FARP1: variants seen among roughly 807,000 people sequenced by gnomAD.
FARP1 encodes the protein FERM, ARHGEF and pleckstrin domain-containing protein 1.
Under a neutral mutation model 128.8 loss-of-function variants are expected in FARP1, and 52 were observed. The observed-to-expected ratio is 0.40, with a 90% CI of 0.32 to 0.51. The LOEUF (loss-of-function observed/expected upper bound fraction) is 0.51, where lower values mean the gene tolerates loss of function less well. FARP1 is among the 20% of genes least tolerant of loss of function. The pLI, the probability that FARP1 is intolerant of heterozygous loss-of-function variation, is 0.45. For missense variants in FARP1, 1,333 were observed against 1,367.9 expected, an observed-to-expected ratio of 0.97 and a Z score of 0.40; for synonymous variants, 580 against 551.8, an observed-to-expected ratio of 1.05 and a Z score of -0.72.
At chr13:98,161,721 G>A (rs768292417) in intron 1 of FARP1, among the ~76,000 whole-genome samples, 8 of 152,038 alleles carry the variant, frequency 5.3e-5, no homozygotes, top group Non-Finnish European at 5.9e-5. Flanking sequence ...CTACCTTCTT[G>A]TCTCTCTTTT....
In FARP1 at chr13:98,226,849, C is replaced by T. The variant is rs192424588; in HGVS notation, c.171+13436C>T. Among the ~76,000 whole-genome samples, 63 of 152,244 alleles carry T rather than the reference C, an allele frequency of 4.1e-4. 1 individual carries two copies. The East Asian group carries it at 0.011, about 28-fold the overall frequency. On this transcript the variant is annotated intron_variant, in intron 2 of 26. Coordinates refer to ENST00000319562, the MANE Select transcript of FARP1 (RefSeq NM_005766.4). ...TTATTTTTCTTCACCATCACTCTCC[C>T]ACCACCATTTCCCGGTGGATCAGTA... is the stretch of plus-strand genomic sequence containing the variant.
chr13:98,431,460 GA>G lies in FARP1; in HGVS notation c.2143+181del, dbSNP rs1164695135. The G allele has an allele frequency of 5.6e-5, 23 of 410,630 alleles. No individual in the cohort carries two copies. In the East Asian group the frequency reaches 7.6e-4, roughly 14 times the overall value. The allele number at this position is 410,630 out of a possible 1,614,324, so 25.4% of individuals were successfully genotyped here. ...CTGCTCTGGTGTTTGGTTACATCTT[GA>G]TTTTTTTTTTTTTTTTTTGAGACTG... On this transcript the variant is annotated intron_variant, in intron 18 of 26. Coordinates refer to ENST00000319562, the MANE Select transcript of FARP1 (RefSeq NM_005766.4).
At chr13:98,207,490 C>T (rs985002583) in intron 1 of FARP1, among the ~76,000 whole-genome samples, 27 of 152,128 alleles carry the variant, frequency 1.8e-4, no homozygotes, top group African/African-American at 6.5e-4. Context: ...GTCTGAGCAC[C>T]TTTAGGCTGG....
At chr13:98,322,271 T>G (rs998453841) in intron 2 of FARP1, among the ~76,000 whole-genome samples, 1 of 152,146 alleles carries the variant, frequency 6.6e-6, no homozygotes, top group East Asian at 1.9e-4. Context: ...GCACTCTAGC[T>G]TGGGTGACAA....
chr13:98,147,814 G>A lies in FARP1; in HGVS notation c.-24+4322G>A, dbSNP rs139377456. On this transcript the variant is annotated intron_variant, in intron 1 of 26. Transcript: ENST00000319562. ...TGTGACTACAGACACATGCCATCAC[G>A]CCCAGCTAATTTTTTCTTTAAAAAA... 5.4e-3 allele frequency among the ~76,000 whole-genome samples: 572 copies of A among 105,486 alleles called. 3 individuals are homozygous for A. The highest frequency in any genetic ancestry group is 0.018 in the African/African-American group (549 of 30,254). The allele number at this position is 105,486 out of a possible 152,430, so 69.2% of individuals were successfully genotyped here. A position where few individuals can be genotyped will look rare whatever the true frequency, so the allele number is the denominator to read the frequency against.
chr13:98,283,118 C>A (rs1480773707), intron 2 of FARP1, among the ~76,000 whole-genome samples: 1 of 152,162 alleles, frequency 6.6e-6, no homozygotes, highest in African/African-American at 2.4e-5. Context: ...TTTGTCTACA[C>A]CTTAAAGAGG....
At chr13:98,244,421 C>A in intron 2 of FARP1, 1 of 1,382,970 alleles carries the variant, frequency 7.2e-7, no homozygotes, top group Non-Finnish European at 9.9e-7. Context: ...TTTATTGTTA[C>A]TGTTTTTTAA....
chr13:98,446,354 C>A, intron 25 of FARP1, 149 bp downstream of exon 25: 1 of 617,262 alleles, frequency 1.6e-6, no homozygotes, highest in Non-Finnish European at 2.9e-6. Flanking sequence ...CCCTGTCCAC[C>A]CGAGGCCCTC....
At chr13:98,266,940 G>T (rs1483733822) in intron 2 of FARP1, among the ~76,000 whole-genome samples, 8 of 149,726 alleles carry the variant, frequency 5.3e-5, no homozygotes, top group Non-Finnish European at 1.0e-4. Context: ...CTTGAACCTG[G>T]GAGGTGGAGG....
intron 2 of FARP1, among the ~76,000 whole-genome samples, chr13:98,265,843 T>TCTG (rs1301977638): frequency 6.6e-6 from 1 of 152,148 alleles, no homozygotes; most frequent in East Asian, 1.9e-4. Context: ...GACTTCACAG[T>TCTG]CTGATAGAGG....
At chr13:98,153,455 ATACAT>A (rs1876213689) in intron 1 of FARP1, among the ~76,000 whole-genome samples, 2 of 132,670 alleles carry the variant, frequency 1.5e-5, no homozygotes, top group South Asian at 4.7e-4. Context: ...ATAATATATA[ATACAT>A]TATATATAAA....
chr13:98,379,164 TATATAATCTATATATAATATATATA>T (rs1889774882), intron 6 of FARP1, among the ~76,000 whole-genome samples: 2 of 115,426 alleles, frequency 1.7e-5, no homozygotes, highest in Non-Finnish European at 1.7e-5. Flanking sequence ...ATATATATAA[TATATAATCTATATATAATATATATA>T]ATATATAATA....
At chr13:98,435,262 A>C in intron 18 of FARP1, 1 of 197,206 alleles carries the variant, frequency 5.1e-6, no homozygotes, top group Non-Finnish European at 1.0e-5. Context: ...CCCAGGGACA[A>C]AATTCAAGGC....
chr13:98,374,202 T>C (rs1459543379), intron 5 of FARP1, among the ~76,000 whole-genome samples: 2 of 152,208 alleles, frequency 1.3e-5, no homozygotes, highest in Non-Finnish European at 2.9e-5. Context: ...AGCAGGAGGA[T>C]GTCTTGAGCC....
At chr13:98,173,595 T>C (rs1404689572) in intron 1 of FARP1, among the ~76,000 whole-genome samples, 4 of 152,148 alleles carry the variant, frequency 2.6e-5, no homozygotes, top group South Asian at 2.1e-4. Flanking sequence ...CATCAAAGCA[T>C]TGTTTGGTTT....
intron 3 of FARP1, among the ~76,000 whole-genome samples, chr13:98,362,886 C>T (rs980875969): frequency 6.6e-6 from 1 of 152,186 alleles, no homozygotes; most frequent in Non-Finnish European, 1.5e-5. Context: ...CACCTCCTTC[C>T]CTGGGCATCG....
chr13:98,353,495 C>G (rs1888519985), intron 3 of FARP1, among the ~76,000 whole-genome samples: 3 of 152,192 alleles, frequency 2.0e-5, no homozygotes, highest in Admixed American at 2.0e-4. Flanking sequence ...CCTCCTGTCT[C>G]AGCCTCCCGA....
intron 2 of FARP1, among the ~76,000 whole-genome samples, chr13:98,263,000 T>TATC (rs1478386023): frequency 6.6e-5 from 10 of 151,176 alleles, no homozygotes; most frequent in Non-Finnish European, 1.5e-5. Flanking sequence ...TAAACATTAT[T>TATC]ATTATTATTA....
intron 1 of FARP1, among the ~76,000 whole-genome samples, chr13:98,165,704 G>T (rs984917169): frequency 1.0e-5 from 1 of 95,608 alleles, no homozygotes; most frequent in African/African-American, 3.8e-5. Context: ...AACCCTTCCA[G>T]AAGGGGTTTT....
Sources: gnomAD v4.1 joint callset for allele counts (sites outside exome capture counted in the v4.1 genomes callset) on GRCh38, gnomAD v4.1.1 for gene constraint, MANE v1.5 for transcripts, NCBI Gene and HGNC (gene_info 2026-07-23, HGNC 2026-07-21) for gene names.